TNFRSF13B: variants seen among roughly 807,000 people sequenced by gnomAD.
TNFRSF13B encodes tumor necrosis factor receptor superfamily member 13B.
A neutral mutation model predicts 24.0 loss-of-function variants in TNFRSF13B; 34 were observed. The observed-to-expected ratio is 1.41, with a 90% confidence interval of 1.08 to 1.88. The LOEUF is 1.88. Ranked by LOEUF, TNFRSF13B falls within the 40% of genes most tolerant of loss-of-function variation. The probability of loss-of-function intolerance (pLI) is 0.00; values close to 1 mark genes in which losing one functional copy is unlikely to be tolerated. For synonymous variants in TNFRSF13B, 173 were observed against 150.3 expected (o/e 1.15, Z -1.10); for missense variants, 415 against 380.8 (o/e 1.09, Z -0.75).
At chr17:16,956,501 T>C (rs145758322) in intron 1 of TNFRSF13B, among the ~76,000 whole-genome samples, 12 of 152,306 alleles carry the variant, frequency 7.9e-5, no homozygotes, top group African/African-American at 2.9e-4. Context: ...TCAATGAGCT[T>C]AAGGAAACCG....
chr17:16,939,348 C>G lies in TNFRSF13B; in HGVS notation c.*199G>C. ...CTCTGCCTGTCTCTTTCCTTCTCTG[C>G]CTCTTTCCCTCTCTGCCTCTCTTCC... On this transcript the variant is annotated 3_prime_UTR_variant, in exon 5 of 5. Transcript: ENST00000261652. 1 of 593,876 alleles carries G rather than the reference C, an allele frequency of 1.7e-6. No homozygotes were observed. Among genetic ancestry groups the G allele is most frequent in the Non-Finnish European group, 2.7e-6 (1 of 364,828 alleles). The allele number at this position is 593,876 out of a possible 1,614,324, so 36.8% of individuals were successfully genotyped here.
At chr17:16,967,592 TA>T (rs765494910) in intron 1 of TNFRSF13B, among the ~76,000 whole-genome samples, 30 of 142,852 alleles carry the variant, frequency 2.1e-4, no homozygotes, top group African/African-American at 2.8e-4. Context: ...TAAAAATATA[TA>T]AAAAAAAAAT....
At chr17:16,942,890 C>G (rs537361957) in intron 3 of TNFRSF13B, among the ~76,000 whole-genome samples, 1 of 152,354 alleles carries the variant, frequency 6.6e-6, no homozygotes, top group East Asian at 1.9e-4. Context: ...CTCATCCTAT[C>G]CAGGAGAGTG....
chr17:16,944,979 A>G lies in TNFRSF13B; in HGVS notation c.445+3759T>C, dbSNP rs527491365. ...CCCTCCCCTGGCCATGTGGCTCTGT[A>G]CTTCCTGTTTGCAATCCACAGCAAG... On this transcript the variant is annotated intron_variant, in intron 3 of 4. Coordinates refer to ENST00000261652, the MANE Select transcript of TNFRSF13B (RefSeq NM_012452.3). Among the ~76,000 whole-genome samples, 39 of 152,142 alleles carry G rather than the reference A, an allele frequency of 2.6e-4. No individual in the cohort carries two copies. The South Asian group carries it at 6.7e-3, about 26-fold the overall frequency.
chr17:16,965,088 ATAATTT>A (rs1221169332), intron 1 of TNFRSF13B, among the ~76,000 whole-genome samples: 2 of 152,124 alleles, frequency 1.3e-5, no homozygotes, highest in Non-Finnish European at 2.9e-5. Flanking sequence ...ATAATGTAAA[ATAATTT>A]TAATATTAGT....
chr17:16,949,247 T>C (rs2087571970), intron 2 of TNFRSF13B, among the ~76,000 whole-genome samples: 1 of 152,222 alleles, frequency 6.6e-6, no homozygotes, highest in Non-Finnish European at 1.5e-5. Context: ...TATTATCTTT[T>C]CTTTGACCTA....
rs1567649648 is a variant in TNFRSF13B, at chr17:16,940,028, C to CA, written c.632-232_632-231insT. ...CTTCTGTCCAGCACCGAGCCTGCCACGCCCCCCAAGGGGACACCTCCTCCT... is the reference window on the plus strand; with the variant it reads ...CTTCTGTCCAGCACCGAGCCTGCCACAGCCCCCCAAGGGGACACCTCCTCCT... On this transcript the variant is annotated intron_variant, in intron 4 of 4. Coordinates refer to ENST00000261652, the MANE Select transcript of TNFRSF13B (RefSeq NM_012452.3). 3.1e-6 allele frequency: 3 copies of CA among 962,934 alleles called. No homozygotes were observed. The African/African-American group carries it at 4.9e-5, about 16-fold the overall frequency. 59.6% of individuals were successfully genotyped at this position (962,934 alleles called of 1,614,324 possible).
intron 2 of TNFRSF13B, among the ~76,000 whole-genome samples, 191 bp from the exon 3 acceptor site, chr17:16,949,174 T>A (rs563758460): frequency 2.7e-4 from 41 of 152,362 alleles, no homozygotes; most frequent in African/African-American, 8.4e-4. Flanking sequence ...CTATTTTAGC[T>A]GCATTGCATT....
intron 1 of TNFRSF13B, among the ~76,000 whole-genome samples, chr17:16,967,935 A>G (rs1300624795): frequency 6.6e-6 from 1 of 151,562 alleles, no homozygotes; most frequent in African/African-American, 2.4e-5. Flanking sequence ...CAGGAGATTG[A>G]GACCATCCTG....
intron 3 of TNFRSF13B, among the ~76,000 whole-genome samples, chr17:16,944,411 A>T (rs958832202): frequency 2.0e-5 from 3 of 151,962 alleles, no homozygotes; most frequent in Admixed American, 6.6e-5. Context: ...AAGGCGAACA[A>T]CTCCAGCCTC....
At chr17:16,946,156 G>C (rs34153813) in intron 3 of TNFRSF13B, among the ~76,000 whole-genome samples, 5,630 of 152,334 alleles carry the variant, frequency 0.037, 126 homozygotes, top group South Asian at 0.1. Context: ...GAGATGCCAG[G>C]CTAAGCAGGG....
intron 1 of TNFRSF13B, among the ~76,000 whole-genome samples, chr17:16,971,361 C>CAAAAACAG (rs2087743078): frequency 6.6e-6 from 1 of 150,924 alleles, no homozygotes; most frequent in African/African-American, 2.4e-5. Context: ...AAAACAAAAA[C>CAAAAACAG]AAAAACAAAA....
At chr17:16,948,424 C>G (rs1033611064) in intron 3 of TNFRSF13B, among the ~76,000 whole-genome samples, 6 of 152,198 alleles carry the variant, frequency 3.9e-5, no homozygotes, top group African/African-American at 2.4e-5. Flanking sequence ...GGCTGCTGCT[C>G]AGGTGCTCAC....
chr17:16,952,734 G>A, intron 1 of TNFRSF13B, 151 bp from the exon 2 acceptor site: 1 of 1,178,710 alleles, frequency 8.5e-7, no homozygotes, highest in Non-Finnish European at 1.2e-6. Context: ...TTGGCTTCTA[G>A]CCCCCACTGC....
chr17:16,942,959 G>C (rs952566950), intron 3 of TNFRSF13B, among the ~76,000 whole-genome samples: 38 of 152,158 alleles, frequency 2.5e-4, no homozygotes, highest in Non-Finnish European at 4.4e-4. Flanking sequence ...TGACAGCCTC[G>C]GTGTTTGCTC....
intron 1 of TNFRSF13B, among the ~76,000 whole-genome samples, chr17:16,967,070 T>A (rs182654484): frequency 7.1e-4 from 108 of 152,168 alleles, no homozygotes; most frequent in African/African-American, 2.6e-3. Context: ...AACTCCTGAC[T>A]TCAGGTTATC....
At chr17:16,949,575 A>G (rs1438358032) in intron 2 of TNFRSF13B, among the ~76,000 whole-genome samples, 1 of 152,224 alleles carries the variant, frequency 6.6e-6, no homozygotes, top group Admixed American at 6.5e-5. Context: ...CAAGGAAACT[A>G]AAGCCAAATC....
chr17:16,971,956 A>C, intron 1 of TNFRSF13B, 59 bp downstream of exon 1: 1 of 1,586,746 alleles, frequency 6.3e-7, no homozygotes, highest in Non-Finnish European at 8.7e-7. Flanking sequence ...CACGGCACTC[A>C]GGCCCAACCC....
intron 1 of TNFRSF13B, among the ~76,000 whole-genome samples, chr17:16,965,788 C>G (rs986500022): frequency 6.6e-6 from 1 of 151,914 alleles, no homozygotes; most frequent in East Asian, 1.9e-4. Context: ...AAAAGCAACC[C>G]GCTAAAATAT....
Sources: gnomAD v4.1 joint callset for allele counts (sites outside exome capture counted in the v4.1 genomes callset) on GRCh38, gnomAD v4.1.1 for gene constraint, MANE v1.5 for transcripts, NCBI Gene and HGNC (gene_info 2026-07-23, HGNC 2026-07-21) for gene names.